Variants in PRIMA1 observed in about 807,000 individuals in gnomAD.
PRIMA1 encodes proline-rich membrane anchor 1.
A neutral mutation model predicts 17.5 loss-of-function variants in PRIMA1; 7 were observed. That is an observed-to-expected ratio of 0.40 (90% CI 0.23 to 0.75). The LOEUF is 0.75. Ranked by LOEUF, PRIMA1 falls within the 30% of genes least tolerant of loss-of-function variation. The probability of loss-of-function intolerance (pLI) is 0.37; values close to 1 mark genes in which losing one functional copy is unlikely to be tolerated. For synonymous variants in PRIMA1, 97 were observed against 77.9 expected (o/e 1.25, Z -1.29); for missense variants, 200 against 201.8 (o/e 0.99, Z 0.05).
At chr14:93,767,222 G>A (rs1022146756) in intron 3 of PRIMA1, among the ~76,000 whole-genome samples, 5 of 148,702 alleles carry the variant, frequency 3.4e-5, no homozygotes, top group Non-Finnish European at 7.4e-5. Context: ...TGTATGCCAA[G>A]CCCTGGGCTA....
intron 4 of PRIMA1, among the ~76,000 whole-genome samples, chr14:93,734,128 T>C (rs892190801): frequency 6.6e-6 from 1 of 152,122 alleles, no homozygotes; most frequent in African/African-American, 2.4e-5. Context: ...GACCTCGAGG[T>C]CAAAGGGCTG....
chr14:93,774,288 A>G (rs1353134687), intron 3 of PRIMA1, among the ~76,000 whole-genome samples: 1 of 152,128 alleles, frequency 6.6e-6, no homozygotes, highest in East Asian at 1.9e-4. Context: ...GCTAAAACCT[A>G]GAGAGGCCCG....
intron 3 of PRIMA1, among the ~76,000 whole-genome samples, chr14:93,776,308 A>T (rs1885220366): frequency 6.6e-6 from 1 of 152,200 alleles, no homozygotes; most frequent in Admixed American, 6.5e-5. Flanking sequence ...TTGCTACTTG[A>T]AACAGAAAAA....
At chr14:93,764,744 G>A (rs377117511) in intron 3 of PRIMA1, among the ~76,000 whole-genome samples, 16 of 152,274 alleles carry the variant, frequency 1.1e-4, no homozygotes, top group East Asian at 5.8e-4. Context: ...AGCTAGAGCC[G>A]CAGAGGGGAG....
At chr14:93,736,104 C>T (rs1156695167) in intron 4 of PRIMA1, among the ~76,000 whole-genome samples, 1 of 152,244 alleles carries the variant, frequency 6.6e-6, no homozygotes. Flanking sequence ...CCTCACCAAA[C>T]CCCGAGTGTC....
At chr14:93,787,492 CTT>C in intron 2 of PRIMA1, 132 bp downstream of exon 2, 3 of 1,318,176 alleles carry the variant, frequency 2.3e-6, no homozygotes, top group Non-Finnish European at 2.1e-6. Context: ...ACCGTAGCAG[CTT>C]TTCTTTTCCC....
chr14:93,774,391 C>T (rs768990463), intron 3 of PRIMA1, among the ~76,000 whole-genome samples: 2 of 152,186 alleles, frequency 1.3e-5, no homozygotes, highest in African/African-American at 2.4e-5. Flanking sequence ...ATGTGAAGGA[C>T]GCCCTGCAAA....
intron 3 of PRIMA1, among the ~76,000 whole-genome samples, chr14:93,760,974 T>A (rs1465840347): frequency 2.0e-5 from 3 of 152,020 alleles, no homozygotes; most frequent in Admixed American, 2.0e-4. Context: ...TGCCAGTGAT[T>A]GTCTTAAGAA....
intron 3 of PRIMA1, among the ~76,000 whole-genome samples, chr14:93,747,404 A>G (rs1238612170): frequency 6.6e-6 from 1 of 152,176 alleles, no homozygotes; most frequent in Non-Finnish European, 1.5e-5. Flanking sequence ...GGGGAGTCAA[A>G]GAGAGAATGA....
rs760874562 is a variant in PRIMA1 at position 93,779,307 on chromosome 14, G to A, written c.98C>T (p.Thr33Met). 5.3e-5 allele frequency: 82 copies of A among 1,552,588 alleles called. No individual in the cohort carries two copies. Among genetic ancestry groups the A allele is most frequent in the Admixed American group, 8.1e-5 (4 of 49,444 alleles). ...GCAGGACTTCTGGGGCTCACCATGCGTCACCTGTACACATGGGCACACGTA... is the reference window on the plus strand; with the variant it reads ...GCAGGACTTCTGGGGCTCACCATGCATCACCTGTACACATGGGCACACGTA... Reference protein sequence around the residue: ...LHPLWGFVQVTHGEPQKSCSK... With the variant: ...LHPLWGFVQVMHGEPQKSCSK... The change falls in exon 3 of 5, where the codon ACG becomes ATG. Residue 33 changes from threonine (T) to methionine (M), a missense_variant. Physicochemically the swap from Thr to Met is moderately conservative, Grantham distance 81. Transcript: ENST00000393140.
chr14:93,745,984 G>A (rs184538424), intron 3 of PRIMA1, among the ~76,000 whole-genome samples: 253 of 152,208 alleles, frequency 1.7e-3, no homozygotes, highest in South Asian at 2.9e-3. Flanking sequence ...ACACCCCTCC[G>A]CCGCTGCCCC....
At chr14:93,780,168 C>A (rs34071769) in intron 2 of PRIMA1, among the ~76,000 whole-genome samples, 49,488 of 152,136 alleles carry the variant, frequency 0.33, 8,922 homozygotes, top group Non-Finnish European at 0.41. Flanking sequence ...CCCATCCCTA[C>A]CCTGCTACGC....
intron 4 of PRIMA1, among the ~76,000 whole-genome samples, chr14:93,736,174 A>C (rs982396749): frequency 6.6e-6 from 1 of 152,188 alleles, no homozygotes; most frequent in Non-Finnish European, 1.5e-5. Flanking sequence ...TCTTAGCCCA[A>C]CACTGGAGTC....
intron 3 of PRIMA1, among the ~76,000 whole-genome samples, chr14:93,758,351 C>T (rs1314018676): frequency 1.3e-5 from 2 of 151,874 alleles, no homozygotes; most frequent in Non-Finnish European, 2.9e-5. Context: ...TTTGGGAGGC[C>T]GAGGCAAGCA....
At chr14:93,781,973 CAAAA>C in intron 2 of PRIMA1, among the ~76,000 whole-genome samples, 1 of 143,638 alleles carries the variant, frequency 7.0e-6, no homozygotes, top group East Asian at 2.1e-4. Flanking sequence ...ACTCCAGTCT[CAAAA>C]AAGAATAAGG....
intron 3 of PRIMA1, among the ~76,000 whole-genome samples, chr14:93,776,647 C>T (rs1043590496): frequency 6.6e-5 from 10 of 152,238 alleles, no homozygotes; most frequent in African/African-American, 1.9e-4. Flanking sequence ...TCATCACTGC[C>T]CAGAGCAGTT....
At position 93,758,637 on chromosome 14, in the gene PRIMA1, ATCGACAT is replaced by A. The variant is rs1453308560; in HGVS notation, c.229+20532_229+20538del. On this transcript the variant is annotated intron_variant, in intron 3 of 4. Coordinates refer to ENST00000393140, the MANE Select transcript of PRIMA1 (RefSeq NM_178013.4). ...AGAAAAAGAAAAAGAAAAAGAAATAATCGACATTCAAAAGCAAAGAGTAGAACAAAAG... is the reference window on the plus strand; with the variant it reads ...AGAAAAAGAAAAAGAAAAAGAAATAATCAAAAGCAAAGAGTAGAACAAAAG... Among the ~76,000 whole-genome samples the A allele has an allele frequency of 6.9e-3, 1,045 of 151,994 alleles. 8 individuals are homozygous for A. Among genetic ancestry groups the A allele is most frequent in the African/African-American group, 0.024 (1,007 of 41,444 alleles).
intron 4 of PRIMA1, among the ~76,000 whole-genome samples, chr14:93,730,097 G>C (rs1490708423): frequency 6.6e-6 from 1 of 152,216 alleles, no homozygotes; most frequent in African/African-American, 2.4e-5. Flanking sequence ...ACTCTGGCAA[G>C]TCTGTGGGAA....
intron 3 of PRIMA1, among the ~76,000 whole-genome samples, chr14:93,754,958 G>A (rs2076281881): frequency 6.6e-6 from 1 of 152,194 alleles, no homozygotes; most frequent in Admixed American, 6.5e-5. Flanking sequence ...AGCAGCTGAG[G>A]CCTTTGGGAA....
Sources: gnomAD v4.1 joint callset for allele counts (sites outside exome capture counted in the v4.1 genomes callset) on GRCh38, gnomAD v4.1.1 for gene constraint, MANE v1.5 for transcripts, NCBI Gene and HGNC (gene_info 2026-07-23, HGNC 2026-07-21) for gene names.